CR1: variants seen among roughly 807,000 people sequenced by gnomAD.
CR1 encodes the protein complement receptor type 1.
In CR1, 116 loss-of-function variants were observed where a neutral mutation model predicts 187.3. That is an observed-to-expected ratio of 0.62 (90% CI 0.53 to 0.72). The LOEUF is 0.72. CR1 is among the 30% of genes least tolerant of loss of function. The pLI, the probability that CR1 is intolerant of heterozygous loss-of-function variation, is 0.00. For synonymous variants in CR1, 576 were observed against 747.1 expected (o/e 0.77, Z 3.73); for missense variants, 1,731 against 2,110.7 (o/e 0.82, Z 3.52).
At chr1:207,575,312 C>G (rs1405299310) in intron 27 of CR1, among the ~76,000 whole-genome samples, 1 of 151,966 alleles carries the variant, frequency 6.6e-6, no homozygotes, top group Non-Finnish European at 1.5e-5. Flanking sequence ...AATTGTCAAA[C>G]TGGTCTACAA....
intron 35 of CR1, among the ~76,000 whole-genome samples, chr1:207,594,260 A>G (rs1661362609): frequency 6.6e-6 from 1 of 152,214 alleles, no homozygotes; most frequent in Non-Finnish European, 1.5e-5. Context: ...ACACCATGGA[A>G]TACTATGCAG....
At chr1:207,502,512 G>A (rs937134297) in intron 1 of CR1, among the ~76,000 whole-genome samples, 3 of 152,136 alleles carry the variant, frequency 2.0e-5, no homozygotes, top group Non-Finnish European at 4.4e-5. Flanking sequence ...ATAAAATTGC[G>A]TCACATAGAA....
In CR1 at chr1:207,611,953, G is replaced by A. The variant is rs1343228666; in HGVS notation, c.6487G>A (p.Asp2163Asn). The A allele has an allele frequency of 1.2e-6, 2 of 1,613,982 alleles. No individual in the cohort carries two copies. Among genetic ancestry groups the A allele is most frequent in the African/African-American group, 1.3e-5 (1 of 75,020 alleles). ...APRCTVKSCD[D>N]FLGQLPHGRV... is the part of the protein sequence containing the mutation. ...TTTTCTTCTAGTGAAATCCTGTGATGACTTCCTGGGCCAACTCCCTCATGG... is the reference window on the plus strand; with the variant it reads ...TTTTCTTCTAGTGAAATCCTGTGATAACTTCCTGGGCCAACTCCCTCATGG... The change falls in exon 39 of 47, where the codon GAC becomes AAC. Residue 2163 changes from aspartate (D) to asparagine (N), a missense_variant. Around this residue, in one of 5 missense-constraint regions of CR1, gnomAD observed 1,312 missense variants for 1,379.6 expected, o/e 0.95. Coordinates refer to ENST00000367049, the MANE Select transcript of CR1 (RefSeq NM_000651.6).
intron 24 of CR1, among the ~76,000 whole-genome samples, chr1:207,566,772 C>T (rs1660511881): frequency 6.7e-6 from 1 of 150,212 alleles, no homozygotes; most frequent in African/African-American, 2.5e-5. Context: ...TGTATAATTT[C>T]CCCAATGGAA....
chr1:207,603,604 T>G (rs945381545), intron 35 of CR1, among the ~76,000 whole-genome samples: 9 of 152,152 alleles, frequency 5.9e-5, no homozygotes, highest in Non-Finnish European at 1.3e-4. Flanking sequence ...TCTTTATATA[T>G]AGATATATTT....
chr1:207,582,002 A>G lies in CR1; in HGVS notation c.5301A>G (p.Glu1767=). 2 of 1,604,812 alleles carry G rather than the reference A, an allele frequency of 1.2e-6. No homozygotes were observed. Among genetic ancestry groups the G allele is most frequent in the Non-Finnish European group, 1.7e-6 (2 of 1,172,226 alleles). Residue 1767 remains glutamate (E), a splice_region_variant and synonymous_variant, in exon 32 of 47, where the codon GAA becomes GAG. Coordinates refer to ENST00000367049, the MANE Select transcript of CR1 (RefSeq NM_000651.6). ...SLWNNSVPVC[E]HIFCPNPPAI... ...GGAATAACAGTGTTCCTGTGTGTGA[A>G]CGTGAGTAGATGGAATACTTGTTCA...
At chr1:207,511,042 G>A (rs1006798777) in intron 3 of CR1, among the ~76,000 whole-genome samples, 1 of 151,744 alleles carries the variant, frequency 6.6e-6, no homozygotes, top group East Asian at 1.9e-4. Context: ...GGCTGGTCTC[G>A]AACTCCTGAG....
chr1:207,592,029 G>T (rs1333810187), intron 35 of CR1, among the ~76,000 whole-genome samples: 2 of 152,120 alleles, frequency 1.3e-5, no homozygotes, highest in Non-Finnish European at 2.9e-5. Flanking sequence ...AAGAGGAGCT[G>T]GTACCATTCC....
chr1:207,607,134 TC>T (rs1367689597), intron 35 of CR1, 116 bp from the exon 36 acceptor site: 1 of 700,388 alleles, frequency 1.4e-6, no homozygotes, highest in African/African-American at 1.8e-5. Context: ...CCTTCCGAGG[TC>T]TGCCATGGTG....
At chr1:207,620,552 C>A (rs1276991992) in intron 43 of CR1, among the ~76,000 whole-genome samples, 1 of 152,174 alleles carries the variant, frequency 6.6e-6, no homozygotes, top group East Asian at 1.9e-4. Context: ...CTACCCACAT[C>A]ATGGAGCAGA....
intron 31 of CR1, among the ~76,000 whole-genome samples, chr1:207,581,319 C>T (rs543587776): frequency 1.4e-4 from 21 of 150,044 alleles, no homozygotes; most frequent in Admixed American, 3.3e-4. Flanking sequence ...TATATGTATA[C>T]GTATACATGT....
Position 207,580,612 on chromosome 1 carries a change from G to C in CR1, c.5215G>C (p.Gly1739Arg). The change falls in exon 31 of 47, where the codon GGG becomes CGG. Residue 1739 changes from glycine to arginine, a missense_variant and splice_region_variant. Around this residue, in one of 5 missense-constraint regions of CR1, gnomAD observed 1,312 missense variants for 1,379.6 expected, o/e 0.95. Transcript: ENST00000367049. ...AAAGGTGTCCTTTGTCTGTGATGAA[G>C]GGTAAGTGTGACCCAGAATTCAGAT... ...GAKVSFVCDEGFRLKGSSVSH... is the reference protein window; with the variant it reads ...GAKVSFVCDERFRLKGSSVSH... The C allele has an allele frequency of 6.2e-7, 1 of 1,611,610 alleles. No individual in the cohort carries two copies. The highest frequency in any genetic ancestry group is 8.5e-7 in the Non-Finnish European group (1 of 1,178,764).
rs1294086295 is a variant in CR1, at chr1:207,609,450, C to G, written c.6057C>G (p.Thr2019=). Residue 2019 remains threonine, a synonymous_variant, in exon 37 of 47, where the codon ACC becomes ACG. Transcript: ENST00000367049. ...TGGGAGAACGGTCAATATATTGCAC[C>G]AGCAAAGATGATCAAGTTGGTGTTT... ...ELVGERSIYC[T]SKDDQVGVWS... is the part of the protein sequence containing the mutation. 1.2e-6 allele frequency: 2 copies of G among 1,613,976 alleles called. No homozygotes were observed. The highest frequency in any genetic ancestry group is 3.3e-5 in the Admixed American group (2 of 60,010).
intron 31 of CR1, among the ~76,000 whole-genome samples, chr1:207,581,373 T>TAC (rs1171071055): frequency 3.8e-5 from 5 of 132,952 alleles, no homozygotes; most frequent in South Asian, 2.1e-4. Context: ...TGTATACGTA[T>TAC]ATGTATACAT....
intron 35 of CR1, among the ~76,000 whole-genome samples, chr1:207,591,033 A>C (rs1011046773): frequency 3.3e-5 from 5 of 152,188 alleles, no homozygotes; most frequent in African/African-American, 1.2e-4. Flanking sequence ...TGTCAGTATT[A>C]GACAGGTCAA....
intron 1 of CR1, 146 bp from the exon 2 acceptor site, chr1:207,505,758 C>T (rs1659407814): frequency 1.2e-6 from 1 of 826,562 alleles, no homozygotes; most frequent in Non-Finnish European, 1.8e-6. Flanking sequence ...ATTGCTTGAA[C>T]CCAAGAGGCG....
chr1:207,600,446 G>C (rs1398971144), intron 35 of CR1, among the ~76,000 whole-genome samples: 1 of 152,128 alleles, frequency 6.6e-6, no homozygotes, highest in East Asian at 1.9e-4. Flanking sequence ...TAACTCCACA[G>C]AGTATACCTC....
At chr1:207,627,060 A>G (rs1218659868) in intron 45 of CR1, among the ~76,000 whole-genome samples, 2 of 152,084 alleles carry the variant, frequency 1.3e-5, no homozygotes, top group Non-Finnish European at 2.9e-5. Flanking sequence ...TAAATAAATT[A>G]AATAAAATAA....
chr1:207,578,106 G>A lies in CR1; in HGVS notation c.4839G>A (p.Glu1613=). Residue 1613 remains glutamate (E), a synonymous_variant, in exon 29 of 47, where the codon GAG becomes GAA. Transcript: ENST00000367049. ...RSLFSLNEVV[E]FRCQPGFVMK... ...TATTTTCCTTAAATGAAGTTGTGGA[G>A]TTTAGGTGTCAGCCTGGCTTTGTCA... The A allele has an allele frequency of 6.2e-7, 1 of 1,611,824 alleles. No homozygotes were observed. The highest frequency in any genetic ancestry group is 8.5e-7 in the Non-Finnish European group (1 of 1,179,716).
Sources: gnomAD v4.1 joint callset for allele counts (sites outside exome capture counted in the v4.1 genomes callset) on GRCh38, gnomAD v4.1.1 for gene constraint, gnomAD v4.1.1 regional missense constraint, MANE v1.5 for transcripts, NCBI Gene and HGNC (gene_info 2026-07-23, HGNC 2026-07-21) for gene names.